Variants in RIPOR1 observed in about 807,000 individuals in gnomAD.
RIPOR1 encodes the protein rho family-interacting cell polarization regulator 1.
Under a neutral mutation model 116.5 loss-of-function variants are expected in RIPOR1, and 58 were observed. That is an observed-to-expected ratio of 0.50 (90% CI 0.40 to 0.62). RIPOR1 has a LOEUF of 0.62. Among genes scored for constraint, RIPOR1 ranks in the 20% least tolerant of loss-of-function variants. The pLI, the probability that RIPOR1 is intolerant of heterozygous loss-of-function variation, is 0.00. For missense variants in RIPOR1, 1,372 were observed against 1,586.2 expected, an observed-to-expected ratio of 0.86 and a Z score of 2.29; for synonymous variants, 605 against 650.0, an observed-to-expected ratio of 0.93 and a Z score of 1.05.
In RIPOR1 at chr16:67,537,686, G is replaced by A. The variant is rs2142501718; in HGVS notation, c.-23-738G>A. Reference sequence around the variant, plus strand: ...GGGGGCCAGGAGTGTGTGTTTCGCCGAAGCGGGGTGGGGGTCTGCCGAGGA... The same window carrying A: ...GGGGGCCAGGAGTGTGTGTTTCGCCAAAGCGGGGTGGGGGTCTGCCGAGGA... On this transcript the variant is annotated intron_variant, in intron 1 of 21. Coordinates refer to ENST00000042381, the MANE Select transcript of RIPOR1 (RefSeq NM_024519.4). The surrounding 1 kb of genome is among the most constrained non-coding windows in gnomAD (Gnocchi z 4.6). 3.3e-6 allele frequency: 3 copies of A among 916,282 alleles called. No individual in the cohort carries two copies. Among genetic ancestry groups the A allele is most frequent in the African/African-American group, 1.7e-5 (1 of 58,000 alleles). 56.8% of individuals were successfully genotyped at this position (916,282 alleles called of 1,614,324 possible).
intron 1 of RIPOR1, among the ~76,000 whole-genome samples, chr16:67,519,370 A>G (rs557695035): frequency 2.3e-4 from 35 of 151,992 alleles, no homozygotes; most frequent in African/African-American, 8.2e-4. Context: ...AAAGAAGTTC[A>G]GTCCAGCTGG....
chr16:67,523,521 TAAAAAAAAAA>T (rs1169903442), intron 1 of RIPOR1, among the ~76,000 whole-genome samples: 1 of 44,044 alleles, frequency 2.3e-5, no homozygotes, highest in Non-Finnish European at 4.9e-5. Context: ...CAAGACTCCA[TAAAAAAAAAA>T]AAAAAAAAAA....
At chr16:67,539,430 T>C in intron 4 of RIPOR1, 5 of 534,470 alleles carry the variant, frequency 9.4e-6, no homozygotes, top group African/African-American at 3.8e-5. Context: ...TTGATGGGAG[T>C]TCCCCTGCAG....
In RIPOR1 at chr16:67,529,661, C is replaced by G; in HGVS notation, c.-24+747C>G. 2 of 1,199,334 alleles carry G rather than the reference C, an allele frequency of 1.7e-6. No homozygotes were observed. The highest frequency in any genetic ancestry group is 2.9e-5 in the South Asian group (2 of 68,402). The allele number at this position is 1,199,334 out of a possible 1,614,324, so 74.3% of individuals were successfully genotyped here. A position where few individuals can be genotyped will look rare whatever the true frequency, so the allele number is the denominator to read the frequency against. Reference sequence around the variant, plus strand: ...GGGTGAGCCCTGAGTCCGGCCTCCCCTACAGACCCTCCCCAGCCAGTTCTA... The same window carrying G: ...GGGTGAGCCCTGAGTCCGGCCTCCCGTACAGACCCTCCCCAGCCAGTTCTA... On this transcript the variant is annotated intron_variant, in intron 1 of 21. Coordinates refer to ENST00000042381, the MANE Select transcript of RIPOR1 (RefSeq NM_024519.4). This position sits in a 1 kb window ranked among gnomAD's most constrained non-coding sequence, Gnocchi z 4.1.
At position 67,537,629 on chromosome 16, in the gene RIPOR1, G is replaced by A. The variant is rs1248906700; in HGVS notation, c.-23-795G>A. On this transcript the variant is annotated intron_variant, in intron 1 of 21. Transcript: ENST00000042381. This position sits in a 1 kb window ranked among gnomAD's most constrained non-coding sequence, Gnocchi z 4.6. ...CCCAGCTCGGGGCTGCGAAAGCTCA[G>A]GGACTGGCCCCAGGGGAAGCAGGCC... is the stretch of plus-strand genomic sequence containing the variant. The A allele has an allele frequency of 7.3e-7, 1 of 1,367,676 alleles. No individual in the cohort carries two copies. Among genetic ancestry groups the A allele is most frequent in the East Asian group, 3.0e-5 (1 of 33,010 alleles). The allele number at this position is 1,367,676 out of a possible 1,614,324, so 84.7% of individuals were successfully genotyped here. A position where few individuals can be genotyped will look rare whatever the true frequency, so the allele number is the denominator to read the frequency against.
Position 67,530,362 on chromosome 16 carries a change from G to C in RIPOR1, c.-24+1448G>C, listed in dbSNP as rs1361150563. On this transcript the variant is annotated intron_variant, in intron 1 of 21. Transcript: ENST00000042381. This position sits in a 1 kb window ranked among gnomAD's most constrained non-coding sequence, Gnocchi z 4.5. ...CCTCCGCCCGGTTCCGGGGTGGGGG[G>C]TCCGGGGCTGTGCCGCTCCCCCTCC... Among the ~76,000 whole-genome samples the C allele has an allele frequency of 2.6e-5, 4 of 152,212 alleles. No homozygotes were observed. The highest frequency in any genetic ancestry group is 1.3e-4 in the Admixed American group (2 of 15,284).
Position 67,542,811 on chromosome 16 carries a change from T to C in RIPOR1, c.2025T>C (p.Asn675=). 6.2e-7 allele frequency: 1 copy of C among 1,612,524 alleles called. No individual in the cohort carries two copies. Among genetic ancestry groups the C allele is most frequent in the South Asian group, 1.1e-5 (1 of 91,040 alleles). ...CCACCACAAGCCCCATCCTTATAAA[T>C]GTAAGCCCTTCCACTTCTCTAGAAC... The part of the protein sequence containing the change: ...THPTTSPILI[N]VSPSTSLELA... The change falls in exon 13 of 22, where the codon AAT becomes AAC. Residue 675 remains asparagine, a synonymous_variant. Coordinates refer to ENST00000042381, the MANE Select transcript of RIPOR1 (RefSeq NM_024519.4). This position sits in a 1 kb window ranked among gnomAD's most constrained non-coding sequence, Gnocchi z 4.6.
In RIPOR1 at chr16:67,529,612, C is replaced by T; in HGVS notation, c.-24+698C>T. ...CTAGAGGTCGGATTCAGTCCAGATTCAGCACCCTTTGTCCTCCTCTCCAGG... is the reference window on the plus strand; with the variant it reads ...CTAGAGGTCGGATTCAGTCCAGATTTAGCACCCTTTGTCCTCCTCTCCAGG... On this transcript the variant is annotated intron_variant, in intron 1 of 21. Transcript: ENST00000042381. This position sits in a 1 kb window ranked among gnomAD's most constrained non-coding sequence, Gnocchi z 4.1. The T allele has an allele frequency of 1.5e-6, 1 of 678,872 alleles. No homozygotes were observed. Among genetic ancestry groups the T allele is most frequent in the Non-Finnish European group, 2.5e-6 (1 of 407,632 alleles). The allele number at this position is 678,872 out of a possible 1,614,324, so 42.1% of individuals were successfully genotyped here. A position where few individuals can be genotyped will look rare whatever the true frequency, so the allele number is the denominator to read the frequency against.
At chr16:67,534,587 A>G (rs1430814552) in intron 1 of RIPOR1, among the ~76,000 whole-genome samples, 3 of 152,190 alleles carry the variant, frequency 2.0e-5, no homozygotes, top group Admixed American at 2.0e-4. Context: ...AGCACCCTGG[A>G]AGACCCTTGT....
chr16:67,530,342 G>A lies in RIPOR1; in HGVS notation c.-24+1428G>A, dbSNP rs946537051. 4.1e-4 allele frequency among the ~76,000 whole-genome samples: 62 copies of A among 152,338 alleles called. No homozygotes were observed. The highest frequency in any genetic ancestry group is 1.3e-3 in the African/African-American group (56 of 41,584). On this transcript the variant is annotated intron_variant, in intron 1 of 21. Transcript: ENST00000042381. This position sits in a 1 kb window ranked among gnomAD's most constrained non-coding sequence, Gnocchi z 4.5. The stretch of plus-strand genomic sequence containing the variant: ...GAAGTGAGGCCACCCGACAGCCTCC[G>A]CCCGGTTCCGGGGTGGGGGGTCCGG...
chr16:67,544,173 C>T lies in RIPOR1; in HGVS notation c.2601-126C>T, dbSNP rs2051088563. On this transcript the variant is annotated intron_variant, in intron 14 of 21. Coordinates refer to ENST00000042381, the MANE Select transcript of RIPOR1 (RefSeq NM_024519.4). This position sits in a 1 kb window ranked among gnomAD's most constrained non-coding sequence, Gnocchi z 5.1. ...TTCTGGAAATCCTCCATGAACTTAC[C>T]CCACTGTCTGCTGTCGGTGCATCAT... 3.2e-6 allele frequency: 4 copies of T among 1,252,926 alleles called. No individual in the cohort carries two copies. The East Asian group carries it at 9.6e-5, about 30-fold the overall frequency. The allele number at this position is 1,252,926 out of a possible 1,614,324, so 77.6% of individuals were successfully genotyped here. A position where few individuals can be genotyped will look rare whatever the true frequency, so the allele number is the denominator to read the frequency against.
At position 67,540,743 on chromosome 16, in the gene RIPOR1, T is replaced by G; in HGVS notation, c.801+39T>G. The G allele has an allele frequency of 6.5e-7, 1 of 1,547,474 alleles. No homozygotes were observed. Among genetic ancestry groups the G allele is most frequent in the Non-Finnish European group, 8.7e-7 (1 of 1,147,190 alleles). On this transcript the variant is annotated intron_variant, in intron 10 of 21. Coordinates refer to ENST00000042381, the MANE Select transcript of RIPOR1 (RefSeq NM_024519.4). This position sits in a 1 kb window ranked among gnomAD's most constrained non-coding sequence, Gnocchi z 4.7. ...CCAGGACGGCAGGCCACCATGGCCC[T>G]GTGAACCCCTTGTGACCCCCATTAC...
Position 67,530,673 on chromosome 16 carries a change from G to T in RIPOR1, c.-24+1759G>T, listed in dbSNP as rs1161407116. 6.6e-6 allele frequency among the ~76,000 whole-genome samples: 1 copy of T among 152,192 alleles called. No individual in the cohort carries two copies. Among genetic ancestry groups the T allele is most frequent in the Non-Finnish European group, 1.5e-5 (1 of 68,030 alleles). ...CGGGTGTGCCAGTCTTGGTGTGTAG[G>T]AAGTATAGCGGGGCTGCAAGATCTG... On this transcript the variant is annotated intron_variant, in intron 1 of 21. Coordinates refer to ENST00000042381, the MANE Select transcript of RIPOR1 (RefSeq NM_024519.4). This position sits in a 1 kb window ranked among gnomAD's most constrained non-coding sequence, Gnocchi z 4.5.
At position 67,543,132 on chromosome 16, in the gene RIPOR1, C is replaced by T. The variant is rs761378374; in HGVS notation, c.2346C>T (p.Ala782=). The T allele has an allele frequency of 2.0e-5, 30 of 1,524,634 alleles. No individual in the cohort carries two copies. Among genetic ancestry groups the T allele is most frequent in the African/African-American group, 5.6e-5 (4 of 71,904 alleles). 94.4% of individuals were successfully genotyped at this position (1,524,634 alleles called of 1,614,324 possible). A position where few individuals can be genotyped will look rare whatever the true frequency, so the allele number is the denominator to read the frequency against. ...TCCAGACCCCAGTCCCAACGGCAGCCGGAGGGTCTGGGGACAGGAGCCTGG... is the reference window on the plus strand; with the variant it reads ...TCCAGACCCCAGTCCCAACGGCAGCTGGAGGGTCTGGGGACAGGAGCCTGG... ...MAVQTPVPTA[A]GGSGDRSLEE... Residue 782 remains alanine (A), a synonymous_variant, in exon 13 of 22, where the codon GCC becomes GCT. Coordinates refer to ENST00000042381, the MANE Select transcript of RIPOR1 (RefSeq NM_024519.4). This position sits in a 1 kb window ranked among gnomAD's most constrained non-coding sequence, Gnocchi z 4.7.
Position 67,538,695 on chromosome 16 carries a change from C to T in RIPOR1, c.128C>T (p.Pro43Leu), listed in dbSNP as rs139082757. ...GPRSFPVFSP[P>L]GPPRKPPALS... ...AGGAGTTTCCCGGTCTTCAGCCCGC[C>T]GGGGCCCCCACGGAAGCCCCCCGCG... Residue 43 changes from proline (P) to leucine (L), a missense_variant, in exon 3 of 22, where the codon CCG becomes CTG. By Grantham distance (98) the Pro-to-Leu change is moderately conservative. This residue lies in a region of RIPOR1 where 165 missense variants were observed against 145.5 expected (regional missense o/e 1.13). Coordinates refer to ENST00000042381, the MANE Select transcript of RIPOR1 (RefSeq NM_024519.4). 2.5e-6 allele frequency: 4 copies of T among 1,612,920 alleles called. No individual in the cohort carries two copies. The African/African-American group carries it at 4.0e-5, about 16-fold the overall frequency.
intron 1 of RIPOR1, among the ~76,000 whole-genome samples, chr16:67,522,028 G>T (rs971915464): frequency 1.9e-4 from 24 of 125,012 alleles, no homozygotes; most frequent in South Asian, 4.9e-4. Context: ...CATGTTTTTT[G>T]TTGTTGTTGT....
Position 67,544,503 on chromosome 16 carries a change from G to C in RIPOR1, c.2733+72G>C. ...CCAGGGAGTCCTGCCCTTCCATCCTGGTCCTCTATACCTCCTCTGAGTGCC... is the reference window on the plus strand; with the variant it reads ...CCAGGGAGTCCTGCCCTTCCATCCTCGTCCTCTATACCTCCTCTGAGTGCC... On this transcript the variant is annotated intron_variant, in intron 15 of 21. Transcript: ENST00000042381. The surrounding 1 kb of genome is among the most constrained non-coding windows in gnomAD (Gnocchi z 5.1). 1 of 1,558,300 alleles carries C rather than the reference G, an allele frequency of 6.4e-7. No homozygotes were observed. The highest frequency in any genetic ancestry group is 1.2e-5 in the South Asian group (1 of 86,466).
chr16:67,518,966 G>C (rs921212226), intron 1 of RIPOR1, among the ~76,000 whole-genome samples: 2 of 152,310 alleles, frequency 1.3e-5, no homozygotes, highest in Middle Eastern at 3.4e-3. Context: ...GCAGTTAGGC[G>C]AAGGAAAGAG....
In RIPOR1 at chr16:67,545,931, C is replaced by G. The variant is rs984198274; in HGVS notation, c.3388-18C>G. The G allele has an allele frequency of 6.2e-7, 1 of 1,613,834 alleles. No homozygotes were observed. Among genetic ancestry groups the G allele is most frequent in the Non-Finnish European group, 8.5e-7 (1 of 1,179,882 alleles). The stretch of plus-strand genomic sequence containing the variant: ...ACTCCCACTGTCTGGCTAAGTCTGT[C>G]CTCCCACCCTTCCACAGGCCCTCCT... On this transcript the variant is annotated intron_variant, in intron 19 of 21. Transcript: ENST00000042381. The surrounding 1 kb of genome is among the most constrained non-coding windows in gnomAD (Gnocchi z 4.8).
Sources: gnomAD v4.1 joint callset for allele counts (sites outside exome capture counted in the v4.1 genomes callset) on GRCh38, gnomAD v4.1.1 for gene constraint, gnomAD v4.1.1 regional missense constraint, Gnocchi (gnomAD v3.1) non-coding constraint, MANE v1.5 for transcripts, NCBI Gene and HGNC (gene_info 2026-07-23, HGNC 2026-07-21) for gene names.